The following CSMD1 variants were observed in gnomAD, a reference collection of about 807,000 sequenced individuals.
CSMD1 encodes CUB and sushi domain-containing protein 1.
A neutral mutation model predicts 417.5 loss-of-function variants in CSMD1; 213 were observed. The ratio of observed to expected loss-of-function variants is 0.51; its 90% CI spans 0.46 to 0.57. The LOEUF (loss-of-function observed/expected upper bound fraction) is 0.57, where lower values mean the gene tolerates loss of function less well. CSMD1 is among the 20% of genes least tolerant of loss of function. The pLI, the probability that CSMD1 is intolerant of heterozygous loss-of-function variation, is 0.00. For missense variants in CSMD1, 6,923 were observed against 4,529.7 expected, an observed-to-expected ratio of 1.53 and a Z score of -15.17; for synonymous variants, 2,862 against 1,736.8, an observed-to-expected ratio of 1.65 and a Z score of -16.11.
intron 1 of CSMD1, among the ~76,000 whole-genome samples, chr8:4,732,501 T>C (rs552083714): frequency 6.6e-6 from 1 of 152,196 alleles, no homozygotes; most frequent in African/African-American, 2.4e-5. Flanking sequence ...ATCGATTACT[T>C]TTCGAGTAAC....
chr8:3,259,947 A>G (rs1056686200), intron 26 of CSMD1, among the ~76,000 whole-genome samples: 1 of 152,232 alleles, frequency 6.6e-6, no homozygotes. Context: ...CCTTTGGGCT[A>G]CACAGCCACA....
chr8:4,713,519 A>G (rs1439162996), intron 1 of CSMD1, among the ~76,000 whole-genome samples: 1 of 152,142 alleles, frequency 6.6e-6, no homozygotes, highest in Non-Finnish European at 1.5e-5. Context: ...TTCCTGCCTC[A>G]GCCTCCCGGG....
At chr8:4,296,522 C>G (rs1376473064) in intron 3 of CSMD1, among the ~76,000 whole-genome samples, 1 of 151,812 alleles carries the variant, frequency 6.6e-6, no homozygotes, top group Non-Finnish European at 1.5e-5. Context: ...TTATCTATTT[C>G]TGATGTTAAG....
intron 3 of CSMD1, among the ~76,000 whole-genome samples, chr8:4,193,494 G>A (rs565916541): frequency 4.6e-5 from 7 of 151,978 alleles, no homozygotes; most frequent in South Asian, 2.1e-4. Flanking sequence ...GGAAGGTGAC[G>A]ATGGCTTCAG....
intron 1 of CSMD1, among the ~76,000 whole-genome samples, chr8:4,695,789 C>G (rs570901915): frequency 6.6e-6 from 1 of 152,198 alleles, no homozygotes; most frequent in Non-Finnish European, 1.5e-5. Flanking sequence ...TAGTATCATA[C>G]AGCCTCTAGA....
intron 1 of CSMD1, among the ~76,000 whole-genome samples, chr8:4,941,390 G>T (rs115377861): frequency 0.014 from 2,181 of 152,160 alleles, 48 homozygotes; most frequent in African/African-American, 0.05. Context: ...TCTTTTGATG[G>T]TCTAAGATAT....
chr8:3,405,721 G>C lies in CSMD1; in HGVS notation c.2266+306C>G, dbSNP rs1033894165. Among the ~76,000 whole-genome samples, 6 of 152,304 alleles carry C rather than the reference G, an allele frequency of 3.9e-5. No homozygotes were observed. The South Asian group carries it at 1.2e-3, about 32-fold the overall frequency. On this transcript the variant is annotated intron_variant, in intron 15 of 69. Transcript: ENST00000635120. ...TCCTTTTGAGTCTGGAGGCAGAGAT[G>C]AGGGTGAGGCTTCTCCAGCCATGGA...
intron 1 of CSMD1, among the ~76,000 whole-genome samples, chr8:4,868,444 C>G (rs555400676): frequency 1.3e-5 from 2 of 151,958 alleles, no homozygotes; most frequent in Non-Finnish European, 2.9e-5. Context: ...CCACATTGAT[C>G]AGGCTGGTCT....
chr8:3,357,599 T>A (rs369166023), intron 21 of CSMD1, among the ~76,000 whole-genome samples: 3 of 152,194 alleles, frequency 2.0e-5, no homozygotes, highest in East Asian at 3.9e-4. Flanking sequence ...GAATAACATT[T>A]AATGGGTCTT....
rs78495764 is a variant in CSMD1, at chr8:4,783,807, G to A, written c.86-146249C>T. 2.4e-4 allele frequency among the ~76,000 whole-genome samples: 37 copies of A among 152,262 alleles called. No individual in the cohort carries two copies. In the East Asian group the frequency reaches 6.2e-3, roughly 25 times the overall value. ...GTAACTGTGGAGGCTTTGACACAAG[G>A]CATCAACCAGCCTAAGGAAAACATT... On this transcript the variant is annotated intron_variant, in intron 1 of 69. Transcript: ENST00000635120.
chr8:4,109,364 G>A (rs962794333), intron 3 of CSMD1, among the ~76,000 whole-genome samples: 6 of 152,016 alleles, frequency 3.9e-5, no homozygotes, highest in African/African-American at 1.4e-4. Context: ...TTATTTCATA[G>A]ATTTACTGGG....
At chr8:4,694,834 G>A (rs181639081) in intron 1 of CSMD1, among the ~76,000 whole-genome samples, 1 of 151,998 alleles carries the variant, frequency 6.6e-6, no homozygotes. Flanking sequence ...ACCGAGACCT[G>A]TCTCAGATAT....
At chr8:4,418,465 A>C (rs924568501) in intron 3 of CSMD1, among the ~76,000 whole-genome samples, 2 of 152,266 alleles carry the variant, frequency 1.3e-5, no homozygotes, top group South Asian at 2.1e-4. Context: ...TCACAACATT[A>C]ATTTTGGGAA....
At chr8:4,872,774 A>T (rs1802809096) in intron 1 of CSMD1, among the ~76,000 whole-genome samples, 1 of 152,154 alleles carries the variant, frequency 6.6e-6, no homozygotes, top group Non-Finnish European at 1.5e-5. Flanking sequence ...TTTATAATTC[A>T]TAGTTCACTT....
chr8:4,158,099 T>G (rs1011968540), intron 3 of CSMD1, among the ~76,000 whole-genome samples: 1 of 151,880 alleles, frequency 6.6e-6, no homozygotes, highest in African/African-American at 2.4e-5. Context: ...CTTTTTTTTT[T>G]TTTTCTGTTT....
intron 2 of CSMD1, among the ~76,000 whole-genome samples, chr8:4,542,761 G>A (rs1489783791): frequency 1.3e-5 from 2 of 151,986 alleles, no homozygotes; most frequent in African/African-American, 2.4e-5. Context: ...AAAGTACAAA[G>A]TAAACATATG....
At position 3,491,878 on chromosome 8, in the gene CSMD1, G is replaced by C. The variant is rs373892856; in HGVS notation, c.1448+1745C>G. ...TACCCCGAGTCCAGCGGAGACAAAG[G>C]AGTTAGAAAGAGACAGAATGAGAGT... On this transcript the variant is annotated intron_variant, in intron 11 of 69. Coordinates refer to ENST00000635120, the MANE Select transcript of CSMD1 (RefSeq NM_033225.6). 2.0e-3 allele frequency among the ~76,000 whole-genome samples: 299 copies of C among 152,308 alleles called. 1 individual carries two copies. Among genetic ancestry groups the C allele is most frequent in the African/African-American group, 6.9e-3 (288 of 41,588 alleles).
At chr8:4,888,042 A>C (rs1803868699) in intron 1 of CSMD1, among the ~76,000 whole-genome samples, 1 of 152,070 alleles carries the variant, frequency 6.6e-6, no homozygotes. Context: ...CATATATGCC[A>C]CTTCTAGGAA....
chr8:4,368,691 T>C (rs893742729), intron 3 of CSMD1, among the ~76,000 whole-genome samples: 2 of 152,124 alleles, frequency 1.3e-5, no homozygotes, highest in Non-Finnish European at 2.9e-5. Context: ...TGGCTTAATA[T>C]GAGATGTTGT....
Sources: allele counts gnomAD v4.1 joint callset (sites outside exome capture counted in the v4.1 genomes callset), GRCh38; gene constraint gnomAD v4.1.1; transcripts MANE v1.5; gene names NCBI Gene and HGNC (gene_info 2026-07-23, HGNC 2026-07-21).